CARF: variants seen among roughly 807,000 people sequenced by gnomAD.
CARF encodes calcium-responsive transcription factor.
CARF carries 57 observed loss-of-function variants against 82.0 expected under a neutral mutation model. That is an observed-to-expected ratio of 0.70 (90% confidence interval 0.56 to 0.87). The LOEUF is 0.87. CARF is among the 40% of genes least tolerant of loss of function. The probability of loss-of-function intolerance (pLI) is 0.00; values close to 1 mark genes in which losing one functional copy is unlikely to be tolerated. For synonymous variants in CARF, 268 were observed against 290.1 expected, an observed-to-expected ratio of 0.92 and a Z score of 0.77; for missense variants, 771 against 855.8, an observed-to-expected ratio of 0.90 and a Z score of 1.24.
intron 5 of CARF, among the ~76,000 whole-genome samples, chr2:202,951,132 G>A (rs1238801921): frequency 6.6e-6 from 1 of 151,410 alleles, no homozygotes; most frequent in Non-Finnish European, 1.5e-5. Context: ...CTGCAGCCTT[G>A]ACCTCCCAGC....
chr2:202,942,739 G>A lies in CARF; in HGVS notation c.79-1G>A. 1.3e-6 allele frequency: 2 copies of A among 1,557,752 alleles called. No individual in the cohort carries two copies. Among genetic ancestry groups the A allele is most frequent in the Non-Finnish European group, 1.7e-6 (2 of 1,153,950 alleles). On this transcript the variant is annotated splice_acceptor_variant, in intron 4 of 16. Transcript: ENST00000438828. LOFTEE classifies it high-confidence loss of function. ...AGTGATTTTTTTTTTCCTTACAAAAGCATCTAATCTGTATGGACTCCAGGG... is the reference window on the plus strand; with the variant it reads ...AGTGATTTTTTTTTTCCTTACAAAAACATCTAATCTGTATGGACTCCAGGG...
chr2:202,951,399 C>G (rs2058747372), intron 5 of CARF, among the ~76,000 whole-genome samples: 1 of 152,042 alleles, frequency 6.6e-6, no homozygotes, highest in South Asian at 2.1e-4. Flanking sequence ...CATGTTTTAC[C>G]TAGCAAAAGA....
At chr2:202,952,446 T>C (rs766935601) in intron 5 of CARF, 113 bp from the exon 6 acceptor site, 39 of 993,278 alleles carry the variant, frequency 3.9e-5, no homozygotes, top group Middle Eastern at 3.0e-4. Flanking sequence ...ATGGGGGAAA[T>C]CATAGAATCC....
At position 202,981,667 on chromosome 2, in the gene CARF, A is replaced by G. The variant is rs2060269317; in HGVS notation, c.1671A>G (p.Lys557=). The G allele has an allele frequency of 1.2e-6, 2 of 1,611,514 alleles. No individual in the cohort carries two copies. The highest frequency in any genetic ancestry group is 2.2e-5 in the South Asian group (2 of 90,532). ...LLSSLSSFQP[K]IFTQLQGLQL... Reference sequence around the variant, plus strand: ...CCTCACTCTCCTCATTTCAGCCCAAAATATTTACACAACTACAGGTAGGTA... The same window carrying G: ...CCTCACTCTCCTCATTTCAGCCCAAGATATTTACACAACTACAGGTAGGTA... The change falls in exon 15 of 17, where the codon AAA becomes AAG. Residue 557 remains lysine, a synonymous_variant. Transcript: ENST00000438828.
At chr2:202,919,527 T>C (rs1282098464) in intron 2 of CARF, among the ~76,000 whole-genome samples, 1 of 152,204 alleles carries the variant, frequency 6.6e-6, no homozygotes, top group Non-Finnish European at 1.5e-5. Flanking sequence ...GTGACTACAA[T>C]GCCTGCATAG....
chr2:202,942,533 G>A, intron 4 of CARF: 8 of 814,010 alleles, frequency 9.8e-6, no homozygotes, highest in Non-Finnish European at 1.2e-5. Context: ...CATTCCTGTG[G>A]ACAATTTTGG....
At chr2:202,917,210 C>CAAAAAAAAAAAA (rs71034203) in intron 1 of CARF, among the ~76,000 whole-genome samples, 9 of 47,004 alleles carry the variant, frequency 1.9e-4, no homozygotes, top group Non-Finnish European at 2.8e-4. Flanking sequence ...GACTCCGTCT[C>CAAAAAAAAAAAA]AAAAAAAAAA....
rs528149953 is a variant in CARF at position 202,923,324 on chromosome 2, G to T, written c.-162-973G>T. On this transcript the variant is annotated intron_variant, in intron 2 of 16. Coordinates refer to ENST00000438828, the MANE Select transcript of CARF (RefSeq NM_024744.17). ...ATTAATTTTGTGCGGTAGCTCTCCT[G>T]TACACCAACAGCAGCCAAGCTGAGA... 2.0e-5 allele frequency among the ~76,000 whole-genome samples: 3 copies of T among 152,284 alleles called. No individual in the cohort carries two copies. The East Asian group carries it at 5.8e-4, about 29-fold the overall frequency.
At chr2:202,975,111 G>T (rs1254345445) in intron 13 of CARF, among the ~76,000 whole-genome samples, 1 of 151,792 alleles carries the variant, frequency 6.6e-6, no homozygotes, top group African/African-American at 2.4e-5. Flanking sequence ...AGGAGTTCGA[G>T]ACCAGCCTAA....
chr2:202,941,598 A>G (rs1243121946), intron 3 of CARF, among the ~76,000 whole-genome samples: 1 of 152,196 alleles, frequency 6.6e-6, no homozygotes, highest in Non-Finnish European at 1.5e-5. Context: ...CATAAAAGCA[A>G]TCTTAAAAAG....
chr2:202,961,148 A>C (rs2059304428), intron 8 of CARF, 89 bp from the exon 9 acceptor site: 1 of 1,002,738 alleles, frequency 1.0e-6, no homozygotes, highest in Admixed American at 2.5e-5. Context: ...AAAGGTGATG[A>C]GTCTTCCATT....
At chr2:202,919,576 T>A (rs182620586) in intron 2 of CARF, among the ~76,000 whole-genome samples, 273 of 152,310 alleles carry the variant, frequency 1.8e-3, no homozygotes, top group African/African-American at 6.4e-3. Flanking sequence ...GAGATAGAGT[T>A]TTTTGTATGT....
chr2:202,970,849 G>A (rs572392661), intron 11 of CARF, among the ~76,000 whole-genome samples: 24 of 149,890 alleles, frequency 1.6e-4, no homozygotes, highest in Non-Finnish European at 2.2e-4. Flanking sequence ...TTTTCCTACC[G>A]TCTACTTTTC....
In CARF at chr2:202,985,412, A is replaced by G. The variant is rs1217875756; in HGVS notation, c.*1788A>G. On this transcript the variant is annotated 3_prime_UTR_variant, in exon 17 of 17. Coordinates refer to ENST00000438828, the MANE Select transcript of CARF (RefSeq NM_024744.17). Reference sequence around the variant, plus strand: ...TTTAGATTTATATTTTATTTAATATAAAGTTTATTATTTATACCCTTTTTA... The same window carrying G: ...TTTAGATTTATATTTTATTTAATATGAAGTTTATTATTTATACCCTTTTTA... 1 of 152,058 alleles carries G rather than the reference A, an allele frequency of 6.6e-6. No homozygotes were observed. The highest frequency in any genetic ancestry group is 1.9e-4 in the East Asian group (1 of 5,208). The allele number at this position is 152,058 out of a possible 1,614,324, so 9.4% of individuals were successfully genotyped here. A position where few individuals can be genotyped will look rare whatever the true frequency, so the allele number is the denominator to read the frequency against.
intron 2 of CARF, 77 bp from the exon 3 acceptor site, chr2:202,924,220 A>G (rs1691376939): frequency 6.6e-6 from 1 of 152,174 alleles, no homozygotes; most frequent in African/African-American, 2.4e-5. Flanking sequence ...CCCATCTGTA[A>G]TGAGAATACA....
At chr2:202,923,721 A>G (rs1042616617) in intron 2 of CARF, among the ~76,000 whole-genome samples, 35 of 152,218 alleles carry the variant, frequency 2.3e-4, no homozygotes, top group Admixed American at 4.6e-4. Context: ...CTGATTTCGA[A>G]CTATACTATA....
Position 202,969,926 on chromosome 2 carries a change from A to G in CARF, c.961A>G (p.Ile321Val). 9.3e-6 allele frequency: 14 copies of G among 1,504,220 alleles called. No individual in the cohort carries two copies. The highest frequency in any genetic ancestry group is 1.2e-5 in the Non-Finnish European group (13 of 1,124,432). The allele number at this position is 1,504,220 out of a possible 1,614,324, so 93.2% of individuals were successfully genotyped here. Residue 321 changes from isoleucine to valine, a missense_variant, in exon 11 of 17, where the codon ATT becomes GTT. By Grantham distance (29) the Ile-to-Val change is conservative (BLOSUM62 3). Transcript: ENST00000438828. ...TCTTTATCTTGTATAAAGGATTTAC[A>G]TTAAAAAGGTACAGAAGTTTCCTGA... is the stretch of plus-strand genomic sequence containing the variant. ...YKATCPARIY[I>V]KKVQKFPEYR...
intron 1 of CARF, among the ~76,000 whole-genome samples, chr2:202,917,341 C>T (rs1689925034): frequency 6.6e-6 from 1 of 151,464 alleles, no homozygotes; most frequent in Non-Finnish European, 1.5e-5. Context: ...AAGCAATTTG[C>T]CGGCAAAATT....
intron 3 of CARF, among the ~76,000 whole-genome samples, chr2:202,936,957 A>G (rs1391632460): frequency 6.6e-6 from 1 of 152,092 alleles, no homozygotes; most frequent in Non-Finnish European, 1.5e-5. Flanking sequence ...TCTTTGATCC[A>G]TTTTTTATTT....
Sources: allele counts gnomAD v4.1 joint callset (sites outside exome capture counted in the v4.1 genomes callset), GRCh38; gene constraint gnomAD v4.1.1; transcripts MANE v1.5; gene names NCBI Gene and HGNC (gene_info 2026-07-23, HGNC 2026-07-21).